The following FNDC3B variants were observed in gnomAD, a reference collection of about 807,000 sequenced individuals.
The protein encoded by FNDC3B is fibronectin type III domain-containing protein 3B.
FNDC3B carries 12 observed loss-of-function variants against 151.5 expected under a neutral mutation model. The observed-to-expected ratio is 0.08, with a 90% CI of 0.05 to 0.13. FNDC3B has a LOEUF of 0.13. Among genes scored for constraint, FNDC3B ranks in the 10% least tolerant of loss-of-function variants. The pLI, the probability that FNDC3B is intolerant of heterozygous loss-of-function variation, is 1.00. For missense variants in FNDC3B, 1,214 were observed against 1,505.3 expected, an observed-to-expected ratio of 0.81 and a Z score of 3.20; for synonymous variants, 528 against 549.0, an observed-to-expected ratio of 0.96 and a Z score of 0.54.
intron 2 of FNDC3B, chr3:172,127,128 G>A (rs970417572): frequency 2.2e-6 from 1 of 454,830 alleles, no homozygotes; most frequent in Non-Finnish European, 4.4e-6. Context: ...AATTTTTCTT[G>A]AGACTGTAAT....
At chr3:172,354,143 A>C (rs572427871) in intron 22 of FNDC3B, among the ~76,000 whole-genome samples, 31 of 152,264 alleles carry the variant, frequency 2.0e-4, no homozygotes, top group African/African-American at 7.5e-4. Context: ...AACCTTAAAA[A>C]TTCAAAGTAT....
At chr3:172,275,516 T>C (rs1260732074) in intron 6 of FNDC3B, among the ~76,000 whole-genome samples, 2 of 152,218 alleles carry the variant, frequency 1.3e-5, no homozygotes, top group African/African-American at 4.8e-5. Flanking sequence ...CTAGAGTAGG[T>C]AGGCTTGAAA....
chr3:172,397,500 T>C lies in FNDC3B; in HGVS notation c.*25T>C. ...AACCCAACAAAACTAGAGGTATGAA[T>C]TAATGCTACACATTTTAATACACAC... On this transcript the variant is annotated 3_prime_UTR_variant, in exon 26 of 26. Coordinates refer to ENST00000415807, the MANE Select transcript of FNDC3B (RefSeq NM_022763.4). 7.0e-7 allele frequency: 1 copy of C among 1,430,494 alleles called. No individual in the cohort carries two copies. The highest frequency in any genetic ancestry group is 9.5e-7 in the Non-Finnish European group (1 of 1,047,404). The allele number at this position is 1,430,494 out of a possible 1,614,324, so 88.6% of individuals were successfully genotyped here. A position where few individuals can be genotyped will look rare whatever the true frequency, so the allele number is the denominator to read the frequency against.
intron 23 of FNDC3B, among the ~76,000 whole-genome samples, chr3:172,369,922 A>G (rs537640628): frequency 8.6e-5 from 13 of 151,948 alleles, no homozygotes; most frequent in Non-Finnish European, 1.8e-4. Flanking sequence ...TCTCTCATTC[A>G]TACACATACA....
intron 3 of FNDC3B, among the ~76,000 whole-genome samples, chr3:172,219,882 T>C (rs1726181311): frequency 6.6e-6 from 1 of 152,218 alleles, no homozygotes; most frequent in South Asian, 2.1e-4. Context: ...TTTCTATCTT[T>C]TGAGTATTGT....
chr3:172,085,218 T>C (rs1020855210), intron 1 of FNDC3B, among the ~76,000 whole-genome samples: 1 of 152,212 alleles, frequency 6.6e-6, no homozygotes, highest in Non-Finnish European at 1.5e-5. Flanking sequence ...CTACAGATTT[T>C]TTTGCGTTTG....
intron 6 of FNDC3B, among the ~76,000 whole-genome samples, chr3:172,257,555 A>G (rs1175016327): frequency 1.4e-5 from 2 of 140,406 alleles, no homozygotes; most frequent in Non-Finnish European, 3.0e-5. Flanking sequence ...CCCCTACCAC[A>G]TCACACGCAT....
At chr3:172,139,247 C>T (rs551783027) in intron 3 of FNDC3B, among the ~76,000 whole-genome samples, 2 of 152,266 alleles carry the variant, frequency 1.3e-5, no homozygotes, top group South Asian at 4.1e-4. Context: ...ACTGACCTGT[C>T]ATTCTTTCTA....
At chr3:172,189,799 T>TAAAAAAAAAAAAAA (rs60894339) in intron 3 of FNDC3B, among the ~76,000 whole-genome samples, 1 of 84,296 alleles carries the variant, frequency 1.2e-5, no homozygotes, top group Non-Finnish European at 2.2e-5. Flanking sequence ...AGACCTTGTC[T>TAAAAAAAAAAAAAA]AAAAAAAAAA....
chr3:172,288,945 G>T (rs1359966794), intron 7 of FNDC3B, among the ~76,000 whole-genome samples: 2 of 152,326 alleles, frequency 1.3e-5, no homozygotes, highest in South Asian at 2.1e-4. Flanking sequence ...TGCCATGCTT[G>T]TTCGTGCCTC....
intron 2 of FNDC3B, among the ~76,000 whole-genome samples, chr3:172,123,265 C>G (rs576845103): frequency 2.0e-5 from 3 of 152,144 alleles, no homozygotes; most frequent in Non-Finnish European, 4.4e-5. Context: ...TCTCAAACTC[C>G]TGGTTTCAAG....
chr3:172,308,286 CA>C (rs1456221632), intron 10 of FNDC3B, among the ~76,000 whole-genome samples: 1 of 152,186 alleles, frequency 6.6e-6, no homozygotes, highest in Non-Finnish European at 1.5e-5. Flanking sequence ...GCCCCTTCCT[CA>C]AGAGGCATCA....
At chr3:172,304,547 C>G (rs1731094825) in intron 9 of FNDC3B, among the ~76,000 whole-genome samples, 5 of 152,146 alleles carry the variant, frequency 3.3e-5, no homozygotes, top group Admixed American at 3.3e-4. Context: ...AGCACCTGCT[C>G]CATCTAAAGC....
intron 2 of FNDC3B, among the ~76,000 whole-genome samples, chr3:172,115,553 A>G (rs1000003966): frequency 6.6e-6 from 1 of 152,144 alleles, no homozygotes; most frequent in Non-Finnish European, 1.5e-5. Flanking sequence ...ATACCAGAGA[A>G]AGTGATCTAT....
At chr3:172,112,219 GA>G (rs2108539992) in intron 1 of FNDC3B, among the ~76,000 whole-genome samples, 1 of 152,342 alleles carries the variant, frequency 6.6e-6, no homozygotes, top group Admixed American at 6.5e-5. Context: ...TGAGATACAG[GA>G]AAGTTATGTT....
intron 3 of FNDC3B, among the ~76,000 whole-genome samples, chr3:172,150,922 T>C (rs1004812432): frequency 6.6e-6 from 1 of 152,194 alleles, no homozygotes; most frequent in South Asian, 2.1e-4. Flanking sequence ...AGGTATTTTT[T>C]AAAAAATAAC....
chr3:172,245,814 T>G (rs1727745757), intron 4 of FNDC3B, among the ~76,000 whole-genome samples: 2 of 152,338 alleles, frequency 1.3e-5, no homozygotes, highest in Admixed American at 1.3e-4. Context: ...AGCTGTGTCC[T>G]AGGCATCTCA....
chr3:172,238,746 G>T (rs7622134), intron 4 of FNDC3B, among the ~76,000 whole-genome samples: 19,261 of 152,050 alleles, frequency 0.13, 1,271 homozygotes, highest in Middle Eastern at 0.21. Flanking sequence ...GTGCAAATTG[G>T]GAAAGTGAGT....
intron 19 of FNDC3B, among the ~76,000 whole-genome samples, chr3:172,345,553 G>A (rs9812949): frequency 0.014 from 2,072 of 152,200 alleles, 46 homozygotes; most frequent in African/African-American, 0.047. Flanking sequence ...CAGCATCTTT[G>A]CATGTTATGT....
Sources: allele counts gnomAD v4.1 joint callset (sites outside exome capture counted in the v4.1 genomes callset), GRCh38; gene constraint gnomAD v4.1.1; transcripts MANE v1.5; gene names NCBI Gene and HGNC (gene_info 2026-07-23, HGNC 2026-07-21).